Variants in WDPCP observed in about 807,000 individuals in gnomAD.
WDPCP encodes WD repeat-containing and planar cell polarity effector protein fritz homolog.
In WDPCP, 71 loss-of-function variants were observed where a neutral mutation model predicts 93.1. That is an observed-to-expected ratio of 0.76 (90% CI 0.63 to 0.93). The LOEUF is 0.93. Ranked by LOEUF, WDPCP falls within the 40% of genes least tolerant of loss-of-function variation. WDPCP has a pLI of 0.00. For missense variants in WDPCP, 844 were observed against 887.4 expected (o/e 0.95, Z 0.62); for synonymous variants, 315 against 315.0 (o/e 1.00, Z 0.00).
chr2:63,463,613 ACAGTGTGGTTCTGG>A lies in WDPCP; in HGVS notation c.384+20977_384+20990del, dbSNP rs574890227. Among the ~76,000 whole-genome samples, 7 of 152,322 alleles carry A rather than the reference ACAGTGTGGTTCTGG, an allele frequency of 4.6e-5. No individual in the cohort carries two copies. In the South Asian group the frequency reaches 1.2e-3, roughly 27 times the overall value. ...AAATATATTACAAAACTAATCAAAAACAGTGTGGTTCTGGCATAAAAACAGACACATAAACCAGT... is the reference window on the plus strand; with the variant it reads ...AAATATATTACAAAACTAATCAAAAACATAAAAACAGACACATAAACCAGT... On this transcript the variant is annotated intron_variant, in intron 6 of 17. Transcript: ENST00000272321.
upstream of WDPCP, chr2:63,589,238 G>C: frequency 1.9e-6 from 3 of 1,556,082 alleles, no homozygotes; most frequent in Non-Finnish European, 2.6e-6. Flanking sequence ...TCCACCTTGC[G>C]GGGTATGGGG....
chr2:63,835,619 T>C, the WDPCP span, among the ~76,000 whole-genome samples: 1 of 151,166 alleles, frequency 6.6e-6, no homozygotes, highest in Non-Finnish European at 1.5e-5. Context: ...ATAGTAGCTA[T>C]GTGATCTAAA....
chr2:63,271,692 T>A (rs1288779014), intron 13 of WDPCP, among the ~76,000 whole-genome samples: 1 of 152,206 alleles, frequency 6.6e-6, no homozygotes, highest in Non-Finnish European at 1.5e-5. Flanking sequence ...CCACTGCCAC[T>A]GCTTCCACTG....
intron 6 of WDPCP, among the ~76,000 whole-genome samples, chr2:63,453,888 G>A (rs918852693): frequency 7.0e-6 from 1 of 143,670 alleles, no homozygotes; most frequent in African/African-American, 2.6e-5. Context: ...GGTGGGAATT[G>A]AACAATGAGA....
chr2:63,652,761 T>C (rs1710122340), intron 2 of WDPCP, among the ~76,000 whole-genome samples: 1 of 59,624 alleles, frequency 1.7e-5, no homozygotes, highest in Non-Finnish European at 2.9e-5. Context: ...TAGTACCTGG[T>C]TGGAAAACTT....
intron 1 of WDPCP, among the ~76,000 whole-genome samples, chr2:63,581,894 A>C (rs1708520404): frequency 6.6e-6 from 1 of 151,924 alleles, no homozygotes; most frequent in Admixed American, 6.6e-5. Flanking sequence ...CTGTAGTCCC[A>C]GCTATTTGAG....
chr2:63,127,782 C>T (rs1342342748), intron 17 of WDPCP, among the ~76,000 whole-genome samples: 1 of 151,172 alleles, frequency 6.6e-6, no homozygotes, highest in South Asian at 2.1e-4. Context: ...ACAGGAAGTG[C>T]AGCAGGTTGC....
intron 14 of WDPCP, among the ~76,000 whole-genome samples, chr2:63,179,161 C>T (rs959411955): frequency 3.5e-5 from 5 of 144,628 alleles, no homozygotes; most frequent in South Asian, 4.3e-4. Context: ...GACTGCACCA[C>T]TGCACTCCAG....
intron 2 of WDPCP, among the ~76,000 whole-genome samples, chr2:63,651,974 T>C (rs1288560351): frequency 6.6e-6 from 1 of 152,214 alleles, no homozygotes; most frequent in Non-Finnish European, 1.5e-5. Flanking sequence ...CTCAAGGATA[T>C]AAACAGCCTA....
chr2:63,287,465 AAC>A (rs143186839), intron 13 of WDPCP, among the ~76,000 whole-genome samples: 21,595 of 152,096 alleles, frequency 0.14, 1,968 homozygotes, highest in Admixed American at 0.23. Context: ...CTTGCCCAGG[AAC>A]ACTTTCCCAT....
intron 1 of WDPCP, among the ~76,000 whole-genome samples, chr2:63,563,800 G>T (rs567076558): frequency 1.7e-4 from 26 of 152,184 alleles, no homozygotes; most frequent in African/African-American, 6.0e-4. Context: ...CAGCAAGAAG[G>T]ACTTCATCCT....
At chr2:63,779,905 T>C (rs150114172) in intron 2 of WDPCP, among the ~76,000 whole-genome samples, 203 of 152,330 alleles carry the variant, frequency 1.3e-3, no homozygotes, top group African/African-American at 4.6e-3. Context: ...TACTTTCATT[T>C]CTTTTTCCAA....
At chr2:63,414,218 T>C (rs1575368519) in intron 9 of WDPCP, among the ~76,000 whole-genome samples, 1 of 152,316 alleles carries the variant, frequency 6.6e-6, no homozygotes, top group East Asian at 1.9e-4. Flanking sequence ...AACACTTCTA[T>C]GCTGCTGTTG....
At chr2:63,763,169 G>A (rs1001154664) in intron 2 of WDPCP, among the ~76,000 whole-genome samples, 1 of 151,992 alleles carries the variant, frequency 6.6e-6, no homozygotes, top group Non-Finnish European at 1.5e-5. Context: ...AGTATTCCTA[G>A]CACCTAATAC....
intron 14 of WDPCP, chr2:63,229,930 G>T: frequency 6.5e-6 from 1 of 154,200 alleles, no homozygotes; most frequent in South Asian, 1.9e-4. Context: ...AGCGTAACTA[G>T]TTTTTATTTT....
At chr2:63,495,855 A>T (rs1380273689) in intron 1 of WDPCP, among the ~76,000 whole-genome samples, 2 of 152,230 alleles carry the variant, frequency 1.3e-5, no homozygotes, top group Admixed American at 1.3e-4. Flanking sequence ...TATGAAATAA[A>T]TAAGTACTAA....
chr2:63,457,205 T>C (rs1013383322), intron 6 of WDPCP, among the ~76,000 whole-genome samples: 3 of 152,014 alleles, frequency 2.0e-5, no homozygotes, highest in Admixed American at 6.6e-5. Flanking sequence ...TACAATTATA[T>C]GCTAACGAAC....
chr2:63,338,710 G>C (rs1252448317), intron 12 of WDPCP, among the ~76,000 whole-genome samples: 2 of 148,918 alleles, frequency 1.3e-5, no homozygotes, highest in Admixed American at 1.3e-4. Flanking sequence ...TTTATATCAG[G>C]GTTCTCTATT....
chr2:63,643,912 G>T (rs528440620), intron 3 of WDPCP: 2 of 513,212 alleles, frequency 3.9e-6, no homozygotes, highest in East Asian at 5.2e-5. Context: ...TTAGGAAAAT[G>T]ATGACAGGGA....
Sources: gnomAD v4.1 joint callset for allele counts (sites outside exome capture counted in the v4.1 genomes callset) on GRCh38, gnomAD v4.1.1 for gene constraint, MANE v1.5 for transcripts, NCBI Gene and HGNC (gene_info 2026-07-23, HGNC 2026-07-21) for gene names.